Variants in PIEZO1 observed in about 807,000 individuals in gnomAD.
PIEZO1 encodes the protein piezo-type mechanosensitive ion channel component 1.
A neutral mutation model predicts 297.2 loss-of-function variants in PIEZO1; 296 were observed. That is an observed-to-expected ratio of 1.00 (90% CI 0.91 to 1.10). PIEZO1 has a LOEUF of 1.10. Ranked by LOEUF, PIEZO1 falls within the 50% of genes least tolerant of loss-of-function variation. The pLI is 0.00. For missense variants in PIEZO1, 5,018 were observed against 3,455.5 expected (o/e 1.45, Z -11.34); for synonymous variants, 2,427 against 1,507.5 (o/e 1.61, Z -14.13).
chr16:88,725,551 A>T (rs1298328765), intron 28 of PIEZO1, 32 bp from the exon 29 acceptor site: 4 of 1,535,518 alleles, frequency 2.6e-6, no homozygotes, highest in Non-Finnish European at 3.5e-6. Flanking sequence ...TATGCTGAGC[A>T]TTGGGGGGAG....
chr16:88,746,664 C>G (rs963773909), intron 2 of PIEZO1, among the ~76,000 whole-genome samples: 2 of 152,334 alleles, frequency 1.3e-5, no homozygotes, highest in South Asian at 4.1e-4. Flanking sequence ...CTCTCCCTCC[C>G]GGAAAACTGG....
chr16:88,720,347 T>A, intron 41 of PIEZO1, 38 bp downstream of exon 41: 1 of 1,550,166 alleles, frequency 6.5e-7, no homozygotes, highest in Non-Finnish European at 8.7e-7. Flanking sequence ...GCTGCTGAGC[T>A]CTGCGTACAC....
chr16:88,770,327 C>A (rs967539514), intron 1 of PIEZO1, among the ~76,000 whole-genome samples: 6 of 152,332 alleles, frequency 3.9e-5, no homozygotes, highest in Non-Finnish European at 7.4e-5. Context: ...ACCTGCCCCC[C>A]AGCCGGGCCC....
intron 1 of PIEZO1, among the ~76,000 whole-genome samples, chr16:88,765,343 C>G (rs116514603): frequency 3.9e-5 from 6 of 152,318 alleles, no homozygotes; most frequent in Non-Finnish European, 7.4e-5. Context: ...CCCCCCAGGC[C>G]ACTGGGACAG....
At chr16:88,719,470 G>C (rs1313169686) in intron 44 of PIEZO1, 104 bp downstream of exon 44, 1 of 1,137,318 alleles carries the variant, frequency 8.8e-7, no homozygotes, top group Non-Finnish European at 1.3e-6. Context: ...CCGAGCCCTG[G>C]GAGGGCCTCC....
intron 1 of PIEZO1, among the ~76,000 whole-genome samples, chr16:88,757,609 G>A (rs1453885024): frequency 2.0e-5 from 3 of 152,136 alleles, no homozygotes; most frequent in Non-Finnish European, 2.9e-5. Context: ...AGGAAGGAGA[G>A]CCCATGGGTT....
intron 11 of PIEZO1, 60 bp downstream of exon 11, chr16:88,736,579 C>T (rs1200449655): frequency 9.2e-6 from 13 of 1,410,504 alleles, no homozygotes; most frequent in Middle Eastern, 2.5e-4. Flanking sequence ...CCCACCCAGG[C>T]GATGCCCCAC....
At position 88,737,834 on chromosome 16, in the gene PIEZO1, G is replaced by T. The variant is rs1347436696; in HGVS notation, c.1021-20C>A. Reference sequence around the variant, plus strand: ...CTTCCTCTGCAGAGACCAGCGTCTTGAGCCCAAACCAGCTCCACACCCCAC... The same window carrying T: ...CTTCCTCTGCAGAGACCAGCGTCTTTAGCCCAAACCAGCTCCACACCCCAC... On this transcript the variant is annotated intron_variant, in intron 8 of 50. Coordinates refer to ENST00000301015, the MANE Select transcript of PIEZO1 (RefSeq NM_001142864.4). 1 of 1,535,172 alleles carries T rather than the reference G, an allele frequency of 6.5e-7. No individual in the cohort carries two copies. The highest frequency in any genetic ancestry group is 1.4e-5 in the African/African-American group (1 of 73,028).
intron 1 of PIEZO1, among the ~76,000 whole-genome samples, chr16:88,776,763 G>A (rs541946669): frequency 2.4e-4 from 37 of 152,328 alleles, no homozygotes; most frequent in Admixed American, 3.9e-4. Flanking sequence ...GGCTCGGGGC[G>A]GGCCAGTCCG....
chr16:88,760,351 C>G (rs1264180295), intron 1 of PIEZO1, among the ~76,000 whole-genome samples: 1 of 152,192 alleles, frequency 6.6e-6, no homozygotes, highest in Non-Finnish European at 1.5e-5. Flanking sequence ...GAGAGAAACT[C>G]AAGAAAAAGC....
chr16:88,737,571 G>A lies in PIEZO1; in HGVS notation c.1183C>T (p.Leu395=), dbSNP rs746216732. 1.8e-5 allele frequency: 28 copies of A among 1,533,320 alleles called. No homozygotes were observed. The highest frequency in any genetic ancestry group is 9.6e-6 in the Non-Finnish European group (11 of 1,145,908). 95.0% of individuals were successfully genotyped at this position (1,533,320 alleles called of 1,614,324 possible). The change falls in exon 10 of 51, where the codon CTG becomes TTG. Residue 395 remains leucine, a synonymous_variant. Transcript: ENST00000301015. ...VHELTGQSSV[L]RRPVRPKRAE... is the part of the protein sequence containing the mutation. ...GTGCGGTACTCACCAGGCCGCCGCAGGACGGAGCTCTGGCCGGTCAGCTCG... is the reference window on the plus strand; with the variant it reads ...GTGCGGTACTCACCAGGCCGCCGCAAGACGGAGCTCTGGCCGGTCAGCTCG...
chr16:88,717,456 CT>C, intron 44 of PIEZO1: 4 of 620,036 alleles, frequency 6.5e-6, no homozygotes, highest in Non-Finnish European at 1.2e-5. Context: ...AACGGACAAC[CT>C]TTTTCAACAC....
At chr16:88,729,962 C>T (rs1369464059) in intron 22 of PIEZO1, among the ~76,000 whole-genome samples, 3 of 152,282 alleles carry the variant, frequency 2.0e-5, no homozygotes, top group African/African-American at 7.2e-5. Context: ...ATGCTGATCT[C>T]ACAGGATGGC....
intron 1 of PIEZO1, among the ~76,000 whole-genome samples, chr16:88,752,218 G>A (rs1198882273): frequency 6.6e-6 from 1 of 152,202 alleles, no homozygotes; most frequent in African/African-American, 2.4e-5. Flanking sequence ...TGTGGTGGCT[G>A]AGGCCTGTAA....
At position 88,754,871 on chromosome 16, in the gene PIEZO1, G is replaced by A. The variant is rs1226922545; in HGVS notation, c.65-5392C>T. On this transcript the variant is annotated intron_variant, in intron 1 of 50. Transcript: ENST00000301015. ...GCTGCATCACAGAGCAGGCAGAGAC[G>A]AGCTGGGGGCATCGTGTGAACGAAC... Among the ~76,000 whole-genome samples the A allele has an allele frequency of 2.6e-5, 4 of 152,254 alleles. No homozygotes were observed. In the East Asian group the frequency reaches 5.8e-4, roughly 22 times the overall value.
chr16:88,737,916 T>C lies in PIEZO1; in HGVS notation c.1020+18A>G. 4.6e-6 allele frequency: 7 copies of C among 1,529,976 alleles called. No homozygotes were observed. The highest frequency in any genetic ancestry group is 2.5e-5 in the East Asian group (1 of 40,774). 94.8% of individuals were successfully genotyped at this position (1,529,976 alleles called of 1,614,324 possible). ...TGGCCTGGCCTCAGCCCACCCACCA[T>C]GGGTGGCAGGTGCTCACCTGGCCGG... On this transcript the variant is annotated intron_variant, in intron 8 of 50. Coordinates refer to ENST00000301015, the MANE Select transcript of PIEZO1 (RefSeq NM_001142864.4).
chr16:88,756,185 C>T (rs575478675), intron 1 of PIEZO1, among the ~76,000 whole-genome samples: 4 of 152,320 alleles, frequency 2.6e-5, no homozygotes, highest in East Asian at 1.9e-4. Flanking sequence ...CCACTCCTCA[C>T]GGGCACCAGG....
At chr16:88,750,212 T>C (rs1240877712) in intron 1 of PIEZO1, among the ~76,000 whole-genome samples, 1 of 151,944 alleles carries the variant, frequency 6.6e-6, no homozygotes, top group East Asian at 1.9e-4. Context: ...GGCGGGCACC[T>C]GTAATTCCAG....
rs184706181 is a variant in PIEZO1, at chr16:88,715,783, G to C, written c.7388C>G (p.Ser2463Trp). 2 of 1,550,196 alleles carry C rather than the reference G, an allele frequency of 1.3e-6. No homozygotes were observed. The highest frequency in any genetic ancestry group is 1.7e-6 in the Non-Finnish European group (2 of 1,146,956). Residue 2463 changes from serine to tryptophan, a missense_variant, in exon 51 of 51, where the codon TCG becomes TGG. Coordinates refer to ENST00000301015, the MANE Select transcript of PIEZO1 (RefSeq NM_001142864.4). ...CAGCTCCTCGAACATAATGGAGTGCGAGATCTCGCTGAAGAATCCGCGCAC... is the reference window on the plus strand; with the variant it reads ...CAGCTCCTCGAACATAATGGAGTGCCAGATCTCGCTGAAGAATCCGCGCAC... ...KFVRGFFSEI[S>W]HSIMFEELPC... is the part of the protein sequence containing the mutation.
Sources: allele counts gnomAD v4.1 joint callset (sites outside exome capture counted in the v4.1 genomes callset), GRCh38; gene constraint gnomAD v4.1.1; transcripts MANE v1.5; gene names NCBI Gene and HGNC (gene_info 2026-07-23, HGNC 2026-07-21).